The following RRM1 variants were observed in gnomAD, a reference collection of about 807,000 sequenced individuals.
RRM1 encodes the protein ribonucleoside-diphosphate reductase large subunit.
Under a neutral mutation model 101.5 loss-of-function variants are expected in RRM1, and 19 were observed. The observed-to-expected ratio is 0.19, with a 90% CI of 0.13 to 0.27. The LOEUF (loss-of-function observed/expected upper bound fraction) is 0.27, where lower values mean the gene tolerates loss of function less well. RRM1 is among the 10% of genes least tolerant of loss of function. The probability of loss-of-function intolerance (pLI) is 1.00; values close to 1 mark genes in which losing one functional copy is unlikely to be tolerated. For synonymous variants in RRM1, 298 were observed against 323.4 expected (o/e 0.92, Z 0.84); for missense variants, 500 against 962.9 (o/e 0.52, Z 6.36).
intron 18 of RRM1, among the ~76,000 whole-genome samples, chr11:4,136,418 C>T (rs1487899243): frequency 6.6e-6 from 1 of 151,996 alleles, no homozygotes; most frequent in Non-Finnish European, 1.5e-5. Flanking sequence ...TGGGGTTTTG[C>T]CATGTTGGCC....
intron 1 of RRM1, 41 bp downstream of exon 1, chr11:4,095,072 A>G: frequency 6.4e-7 from 1 of 1,555,452 alleles, no homozygotes; most frequent in Non-Finnish European, 8.7e-7. Flanking sequence ...AGGTGAGGGG[A>G]TGCGGGCTGC....
In RRM1 at chr11:4,101,557, A is replaced by ACC. The variant is rs200112921; in HGVS notation, c.20-435_20-434insCC. 9.4e-4 allele frequency among the ~76,000 whole-genome samples: 41 copies of ACC among 43,642 alleles called. 7 individuals carry two copies. Among genetic ancestry groups the ACC allele is most frequent in the African/African-American group, 2.4e-3 (34 of 14,362 alleles). The allele number at this position is 43,642 out of a possible 152,430, so 28.6% of individuals were successfully genotyped here. A position where few individuals can be genotyped will look rare whatever the true frequency, so the allele number is the denominator to read the frequency against. ...TCGAACTCCTGACCTCCAGTGATCC[A>ACC]CACCCCCCCCCGCTCCCTTGGCCTC... On this transcript the variant is annotated intron_variant, in intron 1 of 18. Transcript: ENST00000300738.
intron 1 of RRM1, among the ~76,000 whole-genome samples, chr11:4,100,525 G>A (rs1367976943): frequency 6.6e-6 from 1 of 152,184 alleles, no homozygotes. Context: ...TTTGGATTTT[G>A]GAGTGTTTTG....
At chr11:4,125,474 C>A (rs1308075063) in intron 12 of RRM1, among the ~76,000 whole-genome samples, 3 of 152,104 alleles carry the variant, frequency 2.0e-5, no homozygotes, top group African/African-American at 4.8e-5. Context: ...TCTTACAGTG[C>A]CCTACAAGGT....
At chr11:4,128,161 CTTTTT>C (rs146980476) in intron 14 of RRM1, among the ~76,000 whole-genome samples, 1 of 133,044 alleles carries the variant, frequency 7.5e-6, no homozygotes, top group African/African-American at 2.8e-5. Context: ...CCCTGTCCCG[CTTTTT>C]TTTTTTTTTT....
chr11:4,109,049 G>GA (rs1201099946), intron 4 of RRM1, among the ~76,000 whole-genome samples: 1 of 151,966 alleles, frequency 6.6e-6, no homozygotes, highest in African/African-American at 2.4e-5. Flanking sequence ...CTGTAACAAG[G>GA]ACCAGTTATG....
intron 1 of RRM1, among the ~76,000 whole-genome samples, chr11:4,099,949 C>T (rs529734072): frequency 2.6e-5 from 4 of 152,052 alleles, no homozygotes; most frequent in Non-Finnish European, 4.4e-5. Context: ...GCTTTCCCCC[C>T]CCACTGCATG....
intron 15 of RRM1, among the ~76,000 whole-genome samples, chr11:4,131,783 T>A (rs748971577): frequency 2.0e-5 from 3 of 152,216 alleles, no homozygotes; most frequent in Non-Finnish European, 4.4e-5. Flanking sequence ...TACAGGATAA[T>A]GGAGAATTGT....
chr11:4,105,185 C>T (rs562509549), intron 2 of RRM1, among the ~76,000 whole-genome samples: 19 of 152,150 alleles, frequency 1.2e-4, no homozygotes, highest in African/African-American at 4.1e-4. Flanking sequence ...CTAAGTTTCC[C>T]ACTGCCCACC....
At chr11:4,122,250 A>T in intron 11 of RRM1, 30 bp downstream of exon 11, 3 of 1,430,232 alleles carry the variant, frequency 2.1e-6, no homozygotes, top group African/African-American at 1.4e-5. Flanking sequence ...GAAAACAATA[A>T]TGTTTTAATC....
In RRM1 at chr11:4,095,012, G is replaced by T; in HGVS notation, c.-1G>T. Reference sequence around the variant, plus strand: ...CTTCAGAGCCTCAGCCACTAGCTGCGATGCATGTGATCAAGCGAGGTGAGG... The same window carrying T: ...CTTCAGAGCCTCAGCCACTAGCTGCTATGCATGTGATCAAGCGAGGTGAGG... On this transcript the variant is annotated 5_prime_UTR_variant, in exon 1 of 19. Transcript: ENST00000300738. 1.3e-6 allele frequency: 2 copies of T among 1,568,900 alleles called. No individual in the cohort carries two copies. Among genetic ancestry groups the T allele is most frequent in the Non-Finnish European group, 1.7e-6 (2 of 1,156,946 alleles).
intron 18 of RRM1, among the ~76,000 whole-genome samples, chr11:4,135,750 C>T (rs1180142129): frequency 6.6e-6 from 1 of 152,018 alleles, no homozygotes; most frequent in African/African-American, 2.4e-5. Flanking sequence ...TGAAAGCCAG[C>T]TTACTTAGCT....
chr11:4,099,064 A>C (rs1415545384), intron 1 of RRM1, among the ~76,000 whole-genome samples: 1 of 152,216 alleles, frequency 6.6e-6, no homozygotes, highest in Non-Finnish European at 1.5e-5. Flanking sequence ...GGATTAGGGA[A>C]GTCTTCCTGA....
In RRM1 at chr11:4,122,163, A is replaced by G. The variant is rs200692803; in HGVS notation, c.1061A>G (p.Asn354Ser). ...TAGGACTGGTCTTTGATGTGTCCAA[A>G]TGAGTGTCCTGGTCTGGATGAGGTT... ...TNQDWSLMCPNECPGLDEVWG... is the reference protein window; with the variant it reads ...TNQDWSLMCPSECPGLDEVWG... The change falls in exon 11 of 19, where the codon AAT becomes AGT. Residue 354 changes from asparagine to serine, a missense_variant. Coordinates refer to ENST00000300738, the MANE Select transcript of RRM1 (RefSeq NM_001033.5). 7 of 1,613,692 alleles carry G rather than the reference A, an allele frequency of 4.3e-6. No homozygotes were observed. Among genetic ancestry groups the G allele is most frequent in the African/African-American group, 1.3e-5 (1 of 75,034 alleles).
intron 16 of RRM1, among the ~76,000 whole-genome samples, 195 bp from the exon 17 acceptor site, chr11:4,133,368 A>G (rs2094603585): frequency 1.3e-5 from 2 of 150,106 alleles, no homozygotes; most frequent in Non-Finnish European, 2.9e-5. Context: ...CTTGAATAAC[A>G]GATGTCAAGA....
At position 4,138,129 on chromosome 11, in the gene RRM1, A is replaced by G. The variant is rs1590738600; in HGVS notation, c.2191-66A>G. 6.8e-6 allele frequency: 6 copies of G among 881,690 alleles called. No individual in the cohort carries two copies. The East Asian group carries it at 1.1e-4, about 16-fold the overall frequency. 54.6% of individuals were successfully genotyped at this position (881,690 alleles called of 1,614,324 possible). A position where few individuals can be genotyped will look rare whatever the true frequency, so the allele number is the denominator to read the frequency against. ...GGCTGGACAGGAATGTATTTTAAAT[A>G]TTGGTGTGGAATGTCTAGTATTCTC... On this transcript the variant is annotated intron_variant, in intron 18 of 18. Coordinates refer to ENST00000300738, the MANE Select transcript of RRM1 (RefSeq NM_001033.5).
At chr11:4,116,775 C>A (rs899330235) in intron 7 of RRM1, among the ~76,000 whole-genome samples, 1 of 151,182 alleles carries the variant, frequency 6.6e-6, no homozygotes, top group Non-Finnish European at 1.5e-5. Context: ...TTGAAACCAG[C>A]CTGGGCAACA....
At chr11:4,128,568 A>G (rs146630700) in intron 14 of RRM1, among the ~76,000 whole-genome samples, 131 of 152,310 alleles carry the variant, frequency 8.6e-4, no homozygotes, top group African/African-American at 3.1e-3. Context: ...CTGTGCACCA[A>G]GGTGTGGGAA....
intron 12 of RRM1, among the ~76,000 whole-genome samples, chr11:4,126,089 G>GCCTAA (rs1166300596): frequency 6.6e-6 from 1 of 152,220 alleles, no homozygotes. Context: ...GAAGCTCACT[G>GCCTAA]CCTCGTGTAG....
Sources: gnomAD v4.1 joint callset for allele counts (sites outside exome capture counted in the v4.1 genomes callset) on GRCh38, gnomAD v4.1.1 for gene constraint, MANE v1.5 for transcripts, NCBI Gene and HGNC (gene_info 2026-07-23, HGNC 2026-07-21) for gene names.